Variants in CACNB4 observed in about 807,000 individuals in gnomAD.
The protein encoded by CACNB4 is voltage-dependent L-type calcium channel subunit beta-4.
Under a neutral mutation model 71.2 loss-of-function variants are expected in CACNB4, and 32 were observed. That is an observed-to-expected ratio of 0.45 (90% confidence interval 0.34 to 0.60). The LOEUF is 0.60. Ranked by LOEUF, CACNB4 falls within the 20% of genes least tolerant of loss-of-function variation. CACNB4 has a pLI of 0.01. For missense variants in CACNB4, 464 were observed against 647.9 expected (o/e 0.72, Z 3.08); for synonymous variants, 231 against 236.9 (o/e 0.97, Z 0.23).
At chr2:152,060,923 A>G (rs1685978206) in intron 2 of CACNB4, among the ~76,000 whole-genome samples, 1 of 152,278 alleles carries the variant, frequency 6.6e-6, no homozygotes. Context: ...AAATGTTAAT[A>G]TATAGCAGTT....
At chr2:151,887,431 CA>C (rs5835386) in intron 2 of CACNB4, among the ~76,000 whole-genome samples, 119,669 of 146,008 alleles carry the variant, frequency 0.82, 51,237 homozygotes, top group Non-Finnish European at 0.96. Flanking sequence ...GACCCTGTCT[CA>C]AAAAAAAAAA....
intron 2 of CACNB4, among the ~76,000 whole-genome samples, chr2:151,977,634 TAGCTATG>T (rs2099874053): frequency 6.6e-6 from 1 of 152,190 alleles, no homozygotes; most frequent in Admixed American, 6.5e-5. Context: ...GATTAGCTAT[TAGCTATG>T]AGATTTAAAT....
intron 2 of CACNB4, among the ~76,000 whole-genome samples, chr2:151,907,811 A>C (rs1287489204): frequency 6.6e-6 from 1 of 152,200 alleles, no homozygotes; most frequent in Non-Finnish European, 1.5e-5. Flanking sequence ...CAGCAAGGAA[A>C]GTCCTCTTCA....
chr2:151,949,257 C>T (rs1457901887), intron 2 of CACNB4, among the ~76,000 whole-genome samples: 1 of 151,434 alleles, frequency 6.6e-6, no homozygotes, highest in Non-Finnish European at 1.5e-5. Flanking sequence ...CAGTCAACAA[C>T]TACTTTGTGA....
Position 152,054,235 on chromosome 2 carries a change from G to A in CACNB4, c.147+44095C>T, listed in dbSNP as rs980355711. On this transcript the variant is annotated intron_variant, in intron 2 of 13. Transcript: ENST00000539935. ...ACAAAAATTAGCCGGGCGTGGTGGCGCGCGCCTGTAGTCCCAGCTACACGG... is the reference window on the plus strand; with the variant it reads ...ACAAAAATTAGCCGGGCGTGGTGGCACGCGCCTGTAGTCCCAGCTACACGG... Among the ~76,000 whole-genome samples the A allele has an allele frequency of 7.3e-5, 11 of 151,582 alleles. No homozygotes were observed. The East Asian group carries it at 9.7e-4, about 13-fold the overall frequency.
At chr2:152,009,345 C>A (rs1306573525) in intron 2 of CACNB4, among the ~76,000 whole-genome samples, 1 of 152,116 alleles carries the variant, frequency 6.6e-6, no homozygotes, top group Admixed American at 6.5e-5. Flanking sequence ...CTGGGTGAGA[C>A]TGTCATGTGG....
chr2:152,052,892 G>T (rs1685520591), intron 2 of CACNB4, among the ~76,000 whole-genome samples: 2 of 151,974 alleles, frequency 1.3e-5, no homozygotes, highest in South Asian at 4.1e-4. Context: ...TGAGGCAGGA[G>T]AATCGCTTGA....
At chr2:152,094,881 G>A (rs1688184290) in intron 2 of CACNB4, among the ~76,000 whole-genome samples, 1 of 152,190 alleles carries the variant, frequency 6.6e-6, no homozygotes, top group African/African-American at 2.4e-5. Flanking sequence ...CATTTGGAAA[G>A]CCACTCCAAT....
intron 2 of CACNB4, among the ~76,000 whole-genome samples, chr2:151,934,231 T>G (rs934542731): frequency 1.3e-5 from 2 of 152,240 alleles, no homozygotes; most frequent in Non-Finnish European, 2.9e-5. Flanking sequence ...CTATGTCATG[T>G]AAACTTTGTA....
At chr2:151,921,964 T>C (rs2099859125) in intron 2 of CACNB4, among the ~76,000 whole-genome samples, 1 of 152,114 alleles carries the variant, frequency 6.6e-6, no homozygotes, top group Non-Finnish European at 1.5e-5. Flanking sequence ...GAGTCAAACC[T>C]CTTTTCTTCA....
chr2:151,997,624 T>C (rs1465235082), intron 2 of CACNB4, among the ~76,000 whole-genome samples: 1 of 152,024 alleles, frequency 6.6e-6, no homozygotes. Context: ...GATGTAACCA[T>C]GAGCCAAGAA....
At chr2:152,093,369 T>C (rs907062140) in intron 2 of CACNB4, among the ~76,000 whole-genome samples, 1 of 151,874 alleles carries the variant, frequency 6.6e-6, no homozygotes, top group Non-Finnish European at 1.5e-5. Flanking sequence ...CTGTTTATAC[T>C]ATTGGCACTG....
intron 2 of CACNB4, chr2:151,973,602 G>A (rs372028590): frequency 6.8e-5 from 95 of 1,405,646 alleles, no homozygotes; most frequent in East Asian, 6.0e-4. Flanking sequence ...GAAGCGGGGG[G>A]GTGGAGGGGA....
chr2:151,884,889 C>A (rs754165199), intron 2 of CACNB4, among the ~76,000 whole-genome samples: 4 of 152,178 alleles, frequency 2.6e-5, no homozygotes, highest in Non-Finnish European at 5.9e-5. Context: ...AAATCATGCA[C>A]AGGTTTTGAA....
chr2:151,943,654 T>C (rs893344403), intron 2 of CACNB4, among the ~76,000 whole-genome samples: 1 of 152,098 alleles, frequency 6.6e-6, no homozygotes, highest in African/African-American at 2.4e-5. Flanking sequence ...TAATAAGGGG[T>C]TCGTCCAGTT....
chr2:152,021,180 G>A (rs1381488177), intron 2 of CACNB4, among the ~76,000 whole-genome samples: 3 of 152,182 alleles, frequency 2.0e-5, no homozygotes, highest in African/African-American at 2.4e-5. Context: ...CCGGGAGGCG[G>A]AGGTTGCAGT....
intron 2 of CACNB4, among the ~76,000 whole-genome samples, chr2:152,055,036 G>A (rs1308236972): frequency 3.2e-4 from 48 of 152,190 alleles, no homozygotes; most frequent in Non-Finnish European, 2.9e-5. Context: ...TTTTAAGACA[G>A]AGCCTTGCTC....
At chr2:151,878,970 G>A (rs1372592173) in intron 4 of CACNB4, among the ~76,000 whole-genome samples, 1 of 152,102 alleles carries the variant, frequency 6.6e-6, no homozygotes, top group Non-Finnish European at 1.5e-5. Context: ...ATAAAACCTT[G>A]AACAATCTAG....
intron 2 of CACNB4, among the ~76,000 whole-genome samples, chr2:151,966,295 T>C (rs1434143755): frequency 6.6e-6 from 1 of 152,182 alleles, no homozygotes; most frequent in African/African-American, 2.4e-5. Context: ...TATTTATTTT[T>C]TAAGATGGAG....
Sources: allele counts gnomAD v4.1 joint callset (sites outside exome capture counted in the v4.1 genomes callset), GRCh38; gene constraint gnomAD v4.1.1; transcripts MANE v1.5; gene names NCBI Gene and HGNC (gene_info 2026-07-23, HGNC 2026-07-21).